The following NF2 variants were observed in gnomAD, a reference collection of about 807,000 sequenced individuals.
The protein encoded by NF2 is merlin.
In NF2, 8 loss-of-function variants were observed where a neutral mutation model predicts 83.7. That is an observed-to-expected ratio of 0.10 (90% CI 0.06 to 0.17). The LOEUF is 0.17. NF2 is among the 10% of genes least tolerant of loss of function. The pLI, the probability that NF2 is intolerant of heterozygous loss-of-function variation, is 1.00. For missense variants in NF2, 533 were observed against 744.4 expected, an observed-to-expected ratio of 0.72 and a Z score of 3.31; for synonymous variants, 266 against 269.6, an observed-to-expected ratio of 0.99 and a Z score of 0.13.
rs780911201 is a variant in NF2, at chr22:29,636,703, TA to T, written c.115-46del. On this transcript the variant is annotated intron_variant, in intron 1 of 15. Coordinates refer to ENST00000338641, the MANE Select transcript of NF2 (RefSeq NM_000268.4). The surrounding 1 kb of genome is among the most constrained non-coding windows in gnomAD (Gnocchi z 4.4). ...GGAGAGTGCAGAGAAAAGGTTTTAT[TA>T]ATGATTTTTGCTCACAGTGTCCTTC... 4.0e-5 allele frequency: 65 copies of T among 1,613,732 alleles called. No homozygotes were observed. Among genetic ancestry groups the T allele is most frequent in the Non-Finnish European group, 5.3e-5 (63 of 1,179,776 alleles).
chr22:29,669,309 G>C (rs2066714863), intron 10 of NF2, among the ~76,000 whole-genome samples: 1 of 152,104 alleles, frequency 6.6e-6, no homozygotes, highest in African/African-American at 2.4e-5. Flanking sequence ...GGATTTGTTG[G>C]ACAAAGAAAT....
At chr22:29,683,568 C>T (rs2067202758) in intron 15 of NF2, 6 of 1,109,894 alleles carry the variant, frequency 5.4e-6, no homozygotes, top group Non-Finnish European at 5.5e-6. Flanking sequence ...GGCTCATTTT[C>T]CTTTAGAGCT....
intron 8 of NF2, among the ~76,000 whole-genome samples, chr22:29,664,553 A>G (rs568451244): frequency 1.3e-5 from 2 of 152,194 alleles, no homozygotes; most frequent in African/African-American, 4.8e-5. Context: ...GAACCTCCAC[A>G]TATTTGTGAT....
At chr22:29,620,526 G>A (rs5997500) in intron 1 of NF2, among the ~76,000 whole-genome samples, 5 of 88,848 alleles carry the variant, frequency 5.6e-5, no homozygotes, top group Non-Finnish European at 1.4e-4. Context: ...GATCCCTGAG[G>A]TCAGGAGTTC....
In NF2 at chr22:29,678,336, C is replaced by T. The variant is rs1403022772; in HGVS notation, c.1574+13C>T. Reference sequence around the variant, plus strand: ...TAGAGAAAGAAAAGTATGTAGCCCCCTGTGCCCTGCTGTGGGCAGCTGTGA... The same window carrying T: ...TAGAGAAAGAAAAGTATGTAGCCCCTTGTGCCCTGCTGTGGGCAGCTGTGA... On this transcript the variant is annotated intron_variant, in intron 14 of 15. Coordinates refer to ENST00000338641, the MANE Select transcript of NF2 (RefSeq NM_000268.4). 1 of 1,612,470 alleles carries T rather than the reference C, an allele frequency of 6.2e-7. No individual in the cohort carries two copies. The highest frequency in any genetic ancestry group is 8.5e-7 in the Non-Finnish European group (1 of 1,179,002).
At chr22:29,684,203 C>A (rs143431427) in intron 15 of NF2, 37 of 155,860 alleles carry the variant, frequency 2.4e-4, no homozygotes, top group Admixed American at 1.2e-3. Context: ...GTTTTGTATG[C>A]GACACTTTCA....
chr22:29,610,380 C>T (rs2064918558), intron 1 of NF2, among the ~76,000 whole-genome samples: 1 of 151,708 alleles, frequency 6.6e-6, no homozygotes, highest in South Asian at 2.1e-4. Context: ...TGCAGTGGCT[C>T]ATGCCTGTAA....
intron 1 of NF2, among the ~76,000 whole-genome samples, chr22:29,633,353 T>TA (rs1370569209): frequency 6.6e-6 from 1 of 152,154 alleles, no homozygotes; most frequent in Non-Finnish European, 1.5e-5. Context: ...AACCACCTGG[T>TA]ACTCAAGCCA....
rs751474583 is a variant in NF2, at chr22:29,694,812, C to G, written c.*10C>G. On this transcript the variant is annotated 3_prime_UTR_variant, in exon 16 of 16. Transcript: ENST00000338641. The surrounding 1 kb of genome is among the most constrained non-coding windows in gnomAD (Gnocchi z 4.1). ...CTTTGAAGAGCTCTAGCAGGTGACC[C>G]AGCCACCCCAGGACCTGCCACTTCT... 4 of 1,611,152 alleles carry G rather than the reference C, an allele frequency of 2.5e-6. No individual in the cohort carries two copies. The Admixed American group carries it at 6.7e-5, about 27-fold the overall frequency.
intron 15 of NF2, among the ~76,000 whole-genome samples, chr22:29,682,235 CCTCTCATACCAAATAATGCTCTG>C (rs1317723567): frequency 1.3e-5 from 2 of 152,016 alleles, no homozygotes; most frequent in African/African-American, 4.8e-5. Context: ...GCAGAAGGGT[CCTCTCATACCAAATAATGCTCTG>C]CTCTTAACTG....
At chr22:29,667,322 G>C (rs944636427) in intron 9 of NF2, among the ~76,000 whole-genome samples, 1 of 151,868 alleles carries the variant, frequency 6.6e-6, no homozygotes, top group Non-Finnish European at 1.5e-5. Context: ...ACTGCAGCAT[G>C]GACCTGCCCA....
At position 29,658,281 on chromosome 22, in the gene NF2, C is replaced by G. The variant is rs1237114529; in HGVS notation, c.675+17C>G. The G allele has an allele frequency of 1.9e-6, 3 of 1,611,378 alleles. No homozygotes were observed. The East Asian group carries it at 6.7e-5, about 36-fold the overall frequency. ...GCAATCCGGGTGTGTTGAAACCTCT[C>G]TGAGCTCCTTGTGTAGTAGACAGAG... is the stretch of plus-strand genomic sequence containing the variant. On this transcript the variant is annotated intron_variant, in intron 7 of 15. Transcript: ENST00000338641.
At chr22:29,605,026 G>T (rs1280293891) in intron 1 of NF2, among the ~76,000 whole-genome samples, 1 of 152,150 alleles carries the variant, frequency 6.6e-6, no homozygotes, top group South Asian at 2.1e-4. Flanking sequence ...TGTCACCGAG[G>T]CTGGCATGCA....
chr22:29,672,558 C>T lies in NF2; in HGVS notation c.1122+610C>T, dbSNP rs144855834. Among the ~76,000 whole-genome samples the T allele has an allele frequency of 4.1e-3, 627 of 151,650 alleles. 5 individuals are homozygous for T. Among genetic ancestry groups the T allele is most frequent in the African/African-American group, 0.013 (534 of 41,358 alleles). ...CGAACTCCTGACCTCGTGATCTGCC[C>T]GCCTCAGCCTCCCAAAGTGCTGGGA... On this transcript the variant is annotated intron_variant, in intron 11 of 15. Coordinates refer to ENST00000338641, the MANE Select transcript of NF2 (RefSeq NM_000268.4).
chr22:29,697,153 C>T lies in NF2; in HGVS notation c.*2351C>T, dbSNP rs1199604791. On this transcript the variant is annotated 3_prime_UTR_variant, in exon 16 of 16. Transcript: ENST00000338641. ...TTGAAGCCCATCCCTGGATTTCCAC[C>T]AGGAGTTACTTTCCTCCTGACCTGT... 2 of 202,198 alleles carry T rather than the reference C, an allele frequency of 9.9e-6. No individual in the cohort carries two copies. Among genetic ancestry groups the T allele is most frequent in the African/African-American group, 4.6e-5 (2 of 43,576 alleles). The allele number at this position is 202,198 out of a possible 1,614,324, so 12.5% of individuals were successfully genotyped here.
chr22:29,619,783 C>T (rs570033990), intron 1 of NF2, among the ~76,000 whole-genome samples: 80 of 152,186 alleles, frequency 5.3e-4, no homozygotes, highest in African/African-American at 1.7e-3. Flanking sequence ...TGAGTGCGTG[C>T]GTGCTGATGA....
intron 1 of NF2, among the ~76,000 whole-genome samples, chr22:29,619,632 T>A (rs2065164457): frequency 6.6e-6 from 1 of 151,282 alleles, no homozygotes; most frequent in Non-Finnish European, 1.5e-5. Context: ...CCTGACCTCA[T>A]GATCTGCCTG....
At chr22:29,605,498 C>T (rs1245081362) in intron 1 of NF2, among the ~76,000 whole-genome samples, 1 of 152,010 alleles carries the variant, frequency 6.6e-6, no homozygotes, top group Non-Finnish European at 1.5e-5. Flanking sequence ...TTTGTAAAGA[C>T]AGGGTTTTGC....
intron 2 of NF2, among the ~76,000 whole-genome samples, chr22:29,637,947 A>G (rs1178390293): frequency 6.6e-6 from 1 of 152,216 alleles, no homozygotes; most frequent in Non-Finnish European, 1.5e-5. Flanking sequence ...AAAGACAGCA[A>G]AACTTTTTGT....
Sources: gnomAD v4.1 joint callset for allele counts (sites outside exome capture counted in the v4.1 genomes callset) on GRCh38, gnomAD v4.1.1 for gene constraint, Gnocchi (gnomAD v3.1) non-coding constraint, MANE v1.5 for transcripts, NCBI Gene and HGNC (gene_info 2026-07-23, HGNC 2026-07-21) for gene names.